The following ARHGAP21 variants were observed in gnomAD, a reference collection of about 807,000 sequenced individuals.
ARHGAP21 encodes Rho GTPase activating protein 21, also known as rho GTPase-activating protein 21.
ARHGAP21 carries 38 observed loss-of-function variants against 164.6 expected under a neutral mutation model. The ratio of observed to expected loss-of-function variants is 0.23; its 90% CI spans 0.18 to 0.30. ARHGAP21 has a LOEUF of 0.30. Ranked by LOEUF, ARHGAP21 falls within the 10% of genes least tolerant of loss-of-function variation. The pLI is 1.00. For synonymous variants in ARHGAP21, 766 were observed against 857.9 expected (o/e 0.89, Z 1.87); for missense variants, 1,822 against 2,370.7 (o/e 0.77, Z 4.81).
intron 3 of ARHGAP21, among the ~76,000 whole-genome samples, chr10:24,667,585 G>T (rs2131741647): frequency 6.6e-6 from 1 of 152,178 alleles, no homozygotes; most frequent in East Asian, 1.9e-4. Flanking sequence ...CCTCTAGCTG[G>T]AAAATTAGAA....
At chr10:24,687,861 A>G (rs1842361194) in intron 2 of ARHGAP21, among the ~76,000 whole-genome samples, 1 of 152,216 alleles carries the variant, frequency 6.6e-6, no homozygotes, top group Admixed American at 6.5e-5. Context: ...GACACATATC[A>G]TGTGGTTTCA....
chr10:24,708,596 G>C (rs1844467439), intron 2 of ARHGAP21, among the ~76,000 whole-genome samples: 2 of 152,192 alleles, frequency 1.3e-5, no homozygotes, highest in African/African-American at 4.8e-5. Context: ...TCACCCTTCT[G>C]AGTCTCCATT....
chr10:24,619,631 G>C lies in ARHGAP21; in HGVS notation c.2264C>G (p.Ser755Cys). 6.2e-7 allele frequency: 1 copy of C among 1,614,172 alleles called. No homozygotes were observed. The highest frequency in any genetic ancestry group is 8.5e-7 in the Non-Finnish European group (1 of 1,180,040). ...CTGGTCATTTACTGCCAAGATGTAA[G>C]ACTGATGCCTTAAAGGCTGCGGTGT... ...RQTPQPLRHQ[S>C]YILAVNDQET... is the part of the protein sequence containing the mutation. Residue 755 changes from serine (S) to cysteine (C), a missense_variant, in exon 9 of 26, where the codon TCT becomes TGT. By Grantham distance (112) the Ser-to-Cys change is moderately radical. Transcript: ENST00000396432.
chr10:24,687,439 T>C (rs898623158), intron 2 of ARHGAP21, among the ~76,000 whole-genome samples: 12 of 152,358 alleles, frequency 7.9e-5, no homozygotes, highest in Non-Finnish European at 1.8e-4. Flanking sequence ...TGTTGGGGAA[T>C]TGTTCTTATT....
At chr10:24,640,148 T>C (rs1257843782) in intron 4 of ARHGAP21, 3 of 151,802 alleles carry the variant, frequency 2.0e-5, no homozygotes, top group African/African-American at 7.2e-5. Flanking sequence ...AGCAAAGCAA[T>C]AGAAAATAAT....
chr10:24,607,940 C>CTAAT (rs774648588), intron 9 of ARHGAP21, 37 bp from the exon 10 acceptor site: 2 of 1,544,620 alleles, frequency 1.3e-6, no homozygotes, highest in East Asian at 4.5e-5. Flanking sequence ...GTTCAATGAC[C>CTAAT]TAATTGTTAT....
rs2077090804 is a variant in ARHGAP21 at position 24,607,759 on chromosome 10, A to C, written c.2567T>G (p.Leu856Arg). ...TTTAGACGTACCGTGGTCATGTGAG[A>C]GCTGACGGCGAATTAATGGAGCTGA... ...TTSAPLIRRQ[L>R]SHDHESVGPP... The change falls in exon 10 of 26, where the codon CTC (leucine) becomes CGC (arginine). Residue 856 changes from leucine (L) to arginine (R), a missense_variant. Physicochemically the swap from Leu to Arg is moderately radical, Grantham distance 102. Transcript: ENST00000396432. 6.2e-7 allele frequency: 1 copy of C among 1,613,844 alleles called. No homozygotes were observed. Among genetic ancestry groups the C allele is most frequent in the Non-Finnish European group, 8.5e-7 (1 of 1,179,982 alleles).
chr10:24,639,847 C>T (rs886281791), intron 4 of ARHGAP21, among the ~76,000 whole-genome samples: 1 of 150,418 alleles, frequency 6.6e-6, no homozygotes, highest in African/African-American at 2.4e-5. Context: ...AAGCCTAAGA[C>T]AAAATCATTT....
chr10:24,668,334 G>T (rs535170438), intron 3 of ARHGAP21, among the ~76,000 whole-genome samples: 1 of 152,172 alleles, frequency 6.6e-6, no homozygotes, highest in Non-Finnish European at 1.5e-5. Context: ...TTCTCCCTAC[G>T]TCTGTGTGAG....
intron 4 of ARHGAP21, among the ~76,000 whole-genome samples, chr10:24,654,141 C>G (rs1157195040): frequency 6.6e-6 from 1 of 152,130 alleles, no homozygotes; most frequent in Non-Finnish European, 1.5e-5. Flanking sequence ...ATAATAAGAG[C>G]TATTTATGAC....
chr10:24,696,075 C>CA (rs1196902925), intron 2 of ARHGAP21, among the ~76,000 whole-genome samples: 2 of 152,232 alleles, frequency 1.3e-5, no homozygotes, highest in African/African-American at 4.8e-5. Flanking sequence ...CCACCAAAAA[C>CA]AACTAAAAAT....
At chr10:24,648,468 T>A (rs2131518572) in intron 4 of ARHGAP21, among the ~76,000 whole-genome samples, 1 of 152,260 alleles carries the variant, frequency 6.6e-6, no homozygotes, top group African/African-American at 2.4e-5. Context: ...GTTTTCTCCA[T>A]CTTCTTTTTA....
chr10:24,661,022 G>A (rs575104137), intron 4 of ARHGAP21, among the ~76,000 whole-genome samples: 128 of 151,940 alleles, frequency 8.4e-4, no homozygotes, highest in Non-Finnish European at 1.4e-3. Flanking sequence ...CCCAGCTGCC[G>A]AAAGACTCAC....
At chr10:24,588,218 C>T (rs1188998782) in intron 25 of ARHGAP21, among the ~76,000 whole-genome samples, 3 of 152,174 alleles carry the variant, frequency 2.0e-5, no homozygotes, top group Non-Finnish European at 4.4e-5. Flanking sequence ...ATGAAAATTA[C>T]ACTGTAATTA....
At chr10:24,629,341 G>GT (rs1321329667) in intron 7 of ARHGAP21, 1 of 151,960 alleles carries the variant, frequency 6.6e-6, no homozygotes, top group African/African-American at 2.4e-5. Flanking sequence ...TTTAAGCTTA[G>GT]TAAAGGAGTT....
intron 4 of ARHGAP21, among the ~76,000 whole-genome samples, chr10:24,642,254 G>C (rs372725533): frequency 6.6e-6 from 1 of 151,904 alleles, no homozygotes; most frequent in Non-Finnish European, 1.5e-5. Context: ...AGGGGCTCAC[G>C]CCTGTAATCC....
At chr10:24,719,127 A>ACACC (rs1845680693) in intron 2 of ARHGAP21, among the ~76,000 whole-genome samples, 2 of 151,518 alleles carry the variant, frequency 1.3e-5, no homozygotes, top group South Asian at 4.2e-4. Flanking sequence ...ACACACACAC[A>ACACC]CACCCCAAAA....
intron 2 of ARHGAP21, among the ~76,000 whole-genome samples, chr10:24,671,773 A>C (rs943115497): frequency 6.9e-6 from 1 of 145,748 alleles, no homozygotes; most frequent in Non-Finnish European, 1.5e-5. Flanking sequence ...CCTGGGCTGG[A>C]GTGCAGTGCC....
rs1427679287 is a variant in ARHGAP21, at chr10:24,604,366, T to C, written c.2685-18A>G. On this transcript the variant is annotated intron_variant, in intron 11 of 25. Transcript: ENST00000396432. ...TAAAGGACCTGTTGGGGAAAAAATA[T>C]ATAAATATTTTCAATTAGTGCAAAA... is the stretch of plus-strand genomic sequence containing the variant. 6.4e-7 allele frequency: 1 copy of C among 1,563,600 alleles called. No individual in the cohort carries two copies. The highest frequency in any genetic ancestry group is 2.3e-5 in the East Asian group (1 of 43,900).
Sources: allele counts gnomAD v4.1 joint callset (sites outside exome capture counted in the v4.1 genomes callset), GRCh38; gene constraint gnomAD v4.1.1; transcripts MANE v1.5; gene names NCBI Gene and HGNC (gene_info 2026-07-23, HGNC 2026-07-21).